TAS1R1: variants seen among roughly 807,000 people sequenced by gnomAD.
TAS1R1 encodes taste receptor type 1 member 1.
A neutral mutation model predicts 45.8 loss-of-function variants in TAS1R1; 31 were observed. That is an observed-to-expected ratio of 0.68 (90% CI 0.51 to 0.91). TAS1R1 has a LOEUF of 0.91. Ranked by LOEUF, TAS1R1 falls within the 40% of genes least tolerant of loss-of-function variation. The pLI, the probability that TAS1R1 is intolerant of heterozygous loss-of-function variation, is 0.00. For missense variants in TAS1R1, 1,051 were observed against 1,063.9 expected (o/e 0.99, Z 0.17); for synonymous variants, 437 against 448.4 (o/e 0.97, Z 0.32).
At chr1:6,577,860 A>G (rs1204534263) in intron 5 of TAS1R1, among the ~76,000 whole-genome samples, 1 of 152,174 alleles carries the variant, frequency 6.6e-6, no homozygotes, top group East Asian at 1.9e-4. Flanking sequence ...GAATTAGCCA[A>G]CTGAAAGCCT....
chr1:6,575,386 C>G lies in TAS1R1; in HGVS notation c.1254C>G (p.Pro418=). 1 of 1,561,764 alleles carries G rather than the reference C, an allele frequency of 6.4e-7. No individual in the cohort carries two copies. Among genetic ancestry groups the G allele is most frequent in the Non-Finnish European group, 8.6e-7 (1 of 1,156,148 alleles). The change falls in exon 3 of 6, where the codon CCC becomes CCG. Residue 418 remains proline (P), a synonymous_variant. Transcript: ENST00000333172. The part of the protein sequence containing the change: ...SGACSRGRVY[P]WQLLEQIHKV... Reference sequence around the variant, plus strand: ...CTTGTTCCAGGGGCCGAGTCTACCCCTGGCAGGTAAGAGAGCCCACCCCAG... The same window carrying G: ...CTTGTTCCAGGGGCCGAGTCTACCCGTGGCAGGTAAGAGAGCCCACCCCAG...
intron 1 of TAS1R1, among the ~76,000 whole-genome samples, chr1:6,562,040 CT>C (rs1224074452): frequency 3.3e-5 from 5 of 152,210 alleles, no homozygotes; most frequent in African/African-American, 1.2e-4. Flanking sequence ...AAAGGAAGCA[CT>C]GTATCAAGTG....
intron 1 of TAS1R1, among the ~76,000 whole-genome samples, chr1:6,570,024 G>GAGAGAGAGAGA (rs1553186697): frequency 1.8e-4 from 6 of 32,434 alleles, no homozygotes; most frequent in South Asian, 2.8e-3. Flanking sequence ...GGAGGGAGGG[G>GAGAGAGAGAGA]GAGAGAGAGA....
At chr1:6,570,718 A>G (rs1436583549) in intron 1 of TAS1R1, among the ~76,000 whole-genome samples, 191 bp from the exon 2 acceptor site, 2 of 152,146 alleles carry the variant, frequency 1.3e-5, no homozygotes, top group Admixed American at 6.5e-5. Flanking sequence ...TTCGATGCTA[A>G]TAAGTTTCTC....
intron 1 of TAS1R1, among the ~76,000 whole-genome samples, chr1:6,560,986 CAAAAAAAAAA>C (rs35928406): frequency 1.1e-5 from 1 of 92,980 alleles, no homozygotes; most frequent in Non-Finnish European, 1.9e-5. Context: ...GACTCTGTCT[CAAAAAAAAAA>C]AAAAAAAAAG....
chr1:6,560,412 G>C (rs994700248), intron 1 of TAS1R1, among the ~76,000 whole-genome samples: 1 of 152,224 alleles, frequency 6.6e-6, no homozygotes, highest in Non-Finnish European at 1.5e-5. Flanking sequence ...TACAGACTAG[G>C]GGGTATAAGT....
intron 1 of TAS1R1, among the ~76,000 whole-genome samples, chr1:6,557,165 A>G (rs1467429022): frequency 6.6e-6 from 1 of 151,372 alleles, no homozygotes; most frequent in Non-Finnish European, 1.5e-5. Flanking sequence ...CTGGAAATCT[A>G]GTGTATGACG....
chr1:6,577,102 A>G, intron 5 of TAS1R1, 32 bp downstream of exon 5: 1 of 1,613,782 alleles, frequency 6.2e-7, no homozygotes, highest in Non-Finnish European at 8.5e-7. Flanking sequence ...CGAGCTACCC[A>G]GCACTCCCGG....
intron 1 of TAS1R1, among the ~76,000 whole-genome samples, chr1:6,562,049 G>A (rs1285074930): frequency 6.6e-6 from 1 of 152,238 alleles, no homozygotes; most frequent in African/African-American, 2.4e-5. Context: ...ACTGTATCAA[G>A]TGACTGAGCT....
chr1:6,569,131 G>A (rs529544324), intron 1 of TAS1R1, among the ~76,000 whole-genome samples: 3 of 129,450 alleles, frequency 2.3e-5, no homozygotes, highest in African/African-American at 5.8e-5. Context: ...GAAGGGGGCA[G>A]AACAGGAACG....
At position 6,574,742 on chromosome 1, in the gene TAS1R1, C is replaced by T. The variant is rs1406268075; in HGVS notation, c.610C>T (p.Gln204Ter). The T allele has an allele frequency of 1.9e-6, 3 of 1,614,284 alleles. No individual in the cohort carries two copies. The highest frequency in any genetic ancestry group is 2.5e-6 in the Non-Finnish European group (3 of 1,180,056). The change falls in exon 3 of 6, where the codon CAG (glutamine) becomes TAG (stop). Residue 204 changes from glutamine to a stop codon, truncating the protein, a stop_gained. Coordinates refer to ENST00000333172, the MANE Select transcript of TAS1R1 (RefSeq NM_138697.4). LOFTEE classifies it high-confidence loss of function. This position sits in a 1 kb window ranked among gnomAD's most constrained non-coding sequence, Gnocchi z 4.3. The part of the protein sequence containing the change: ...YQVETMVLLL[Q>*]KFGWTWISLV... ...GGTGGAGACCATGGTGCTGCTGCTG[C>T]AGAAGTTCGGGTGGACCTGGATCTC... is the stretch of plus-strand genomic sequence containing the variant.
chr1:6,571,883 C>T (rs1000403695), intron 2 of TAS1R1, among the ~76,000 whole-genome samples: 1 of 152,154 alleles, frequency 6.6e-6, no homozygotes, highest in Non-Finnish European at 1.5e-5. Flanking sequence ...TCCACATCAT[C>T]CCAGTCTCTC....
chr1:6,570,022 GGGGAGAGA>G (rs1439007485), intron 1 of TAS1R1, among the ~76,000 whole-genome samples: 3 of 6,318 alleles, frequency 4.7e-4, no homozygotes, highest in South Asian at 0.029. Context: ...AGGGAGGGAG[GGGGAGAGA>G]GAGAGAGAGA....
Position 6,579,733 on chromosome 1 carries a change from T to G in TAS1R1, c.*149T>G. ...GGAGAGCCTAGACCAGGCTCCGGGC[T>G]GCCAATAAAGAAGTGAAATGCGTAT... On this transcript the variant is annotated 3_prime_UTR_variant, in exon 6 of 6. Transcript: ENST00000333172. 9.0e-7 allele frequency: 1 copy of G among 1,106,376 alleles called. No homozygotes were observed. The highest frequency in any genetic ancestry group is 1.3e-6 in the Non-Finnish European group (1 of 799,162). 68.5% of individuals were successfully genotyped at this position (1,106,376 alleles called of 1,614,324 possible).
chr1:6,556,694 G>A (rs138853214), intron 1 of TAS1R1, among the ~76,000 whole-genome samples: 14 of 151,214 alleles, frequency 9.3e-5, no homozygotes, highest in East Asian at 2.0e-4. Context: ...GAGCCACCGC[G>A]CCCGGCCTGC....
At chr1:6,560,844 C>T (rs758803355) in intron 1 of TAS1R1, among the ~76,000 whole-genome samples, 45 of 151,886 alleles carry the variant, frequency 3.0e-4, no homozygotes, top group African/African-American at 8.0e-4. Context: ...ATTAGCTGGG[C>T]GTGGTGATGG....
At position 6,574,838 on chromosome 1, in the gene TAS1R1, G is replaced by C; in HGVS notation, c.706G>C (p.Gly236Arg). The change falls in exon 3 of 6, where the codon GGG (glycine) becomes CGG (arginine). Residue 236 changes from glycine (G) to arginine (R), a missense_variant. By Grantham distance (125) the Gly-to-Arg change is moderately radical (BLOSUM62 -2). Transcript: ENST00000333172. This position sits in a 1 kb window ranked among gnomAD's most constrained non-coding sequence, Gnocchi z 4.3. ...ACTGGAGAACCAGGCCACTGGTCAG[G>C]GGATCTGCATTGCTTTCAAGGACAT... is the stretch of plus-strand genomic sequence containing the variant. ...QALENQATGQGICIAFKDIMP... is the reference protein window; with the variant it reads ...QALENQATGQRICIAFKDIMP... The C allele has an allele frequency of 6.2e-7, 1 of 1,614,240 alleles. No individual in the cohort carries two copies. Among genetic ancestry groups the C allele is most frequent in the South Asian group, 1.1e-5 (1 of 91,090 alleles).
chr1:6,577,325 G>C (rs1281359642), intron 5 of TAS1R1, among the ~76,000 whole-genome samples: 1 of 152,140 alleles, frequency 6.6e-6, no homozygotes, highest in African/African-American at 2.4e-5. Flanking sequence ...CTTGAGGTCG[G>C]GAGTTCGAGA....
Position 6,578,900 on chromosome 1 carries a change from A to G in TAS1R1, c.1842A>G (p.Ala614=). The change falls in exon 6 of 6, where the codon GCA becomes GCG. Residue 614 remains alanine (A), a synonymous_variant. Coordinates refer to ENST00000333172, the MANE Select transcript of TAS1R1 (RefSeq NM_138697.4). ...LCFLMLGSLA[A]GSGSLYGFFG... ...TTCTTATGCTGGGCTCCCTGGCAGCAGGTAGTGGCAGCCTCTATGGCTTCT... is the reference window on the plus strand; with the variant it reads ...TTCTTATGCTGGGCTCCCTGGCAGCGGGTAGTGGCAGCCTCTATGGCTTCT... 1.2e-6 allele frequency: 2 copies of G among 1,611,116 alleles called. No individual in the cohort carries two copies. Among genetic ancestry groups the G allele is most frequent in the Non-Finnish European group, 1.7e-6 (2 of 1,177,894 alleles).
Sources: allele counts gnomAD v4.1 joint callset (sites outside exome capture counted in the v4.1 genomes callset), GRCh38; gene constraint gnomAD v4.1.1; non-coding constraint Gnocchi (gnomAD v3.1); transcripts MANE v1.5; gene names NCBI Gene and HGNC (gene_info 2026-07-23, HGNC 2026-07-21).